NUDT18: variants seen among roughly 807,000 people sequenced by gnomAD.
NUDT18 encodes 8-oxo-dGDP phosphatase NUDT18.
NUDT18 carries 26 observed loss-of-function variants against 27.6 expected under a neutral mutation model. The observed-to-expected ratio is 0.94, with a 90% CI of 0.69 to 1.31. NUDT18 has a LOEUF of 1.31. NUDT18 is among the 50% of genes most tolerant of loss of function. NUDT18 has a pLI of 0.00. For missense variants in NUDT18, 450 were observed against 433.4 expected, an observed-to-expected ratio of 1.04 and a Z score of -0.34; for synonymous variants, 220 against 196.9, an observed-to-expected ratio of 1.12 and a Z score of -0.98.
In NUDT18 at chr8:22,108,351, G is replaced by C. The variant is rs773230673; in HGVS notation, c.163-5C>G. On this transcript the variant is annotated splice_polypyrimidine_tract_variant and splice_region_variant and intron_variant, in intron 1 of 2. Coordinates refer to ENST00000611621, the MANE Select transcript of NUDT18 (RefSeq NM_024815.4). Reference sequence around the variant, plus strand: ...CTGGATCAGTAGCACCTCATCCTGAGAGGAGAGAGGATCCTCACTTCCTGC... The same window carrying C: ...CTGGATCAGTAGCACCTCATCCTGACAGGAGAGAGGATCCTCACTTCCTGC... The C allele has an allele frequency of 7.3e-5, 114 of 1,559,888 alleles. No individual in the cohort carries two copies. The highest frequency in any genetic ancestry group is 9.2e-5 in the Non-Finnish European group (106 of 1,154,142).
Position 22,108,129 on chromosome 8 carries a change from A to G in NUDT18, c.376+4T>C. 6.6e-7 allele frequency: 1 copy of G among 1,507,898 alleles called. No individual in the cohort carries two copies. Among genetic ancestry groups the G allele is most frequent in the Non-Finnish European group, 8.9e-7 (1 of 1,128,636 alleles). The allele number at this position is 1,507,898 out of a possible 1,614,324, so 93.4% of individuals were successfully genotyped here. A position where few individuals can be genotyped will look rare whatever the true frequency, so the allele number is the denominator to read the frequency against. ...TGTTCACACTGCCTCCAGGTGGGCCATACCTGTGGGGCGAGCGAGGAACAC... is the reference window on the plus strand; with the variant it reads ...TGTTCACACTGCCTCCAGGTGGGCCGTACCTGTGGGGCGAGCGAGGAACAC... On this transcript the variant is annotated splice_donor_region_variant and intron_variant, in intron 2 of 2. Coordinates refer to ENST00000611621, the MANE Select transcript of NUDT18 (RefSeq NM_024815.4).
chr8:22,109,401 C>T lies in NUDT18; in HGVS notation c.-101G>A, dbSNP rs1270584096. ...AGCCCGCTCCCAGTCCCTGCGGCAG[C>T]GGGCCGGGAGCTCACGAGAACGCGG... On this transcript the variant is annotated 5_prime_UTR_variant, in exon 1 of 3. Coordinates refer to ENST00000611621, the MANE Select transcript of NUDT18 (RefSeq NM_024815.4). 5 of 1,144,900 alleles carry T rather than the reference C, an allele frequency of 4.4e-6. No individual in the cohort carries two copies. The highest frequency in any genetic ancestry group is 2.2e-5 in the South Asian group (1 of 45,434). 70.9% of individuals were successfully genotyped at this position (1,144,900 alleles called of 1,614,324 possible).
chr8:22,109,083 C>A (rs998230217), intron 1 of NUDT18, 56 bp downstream of exon 1: 20 of 1,320,000 alleles, frequency 1.5e-5, no homozygotes, highest in Non-Finnish European at 1.9e-5. Context: ...CTTCTGTCCC[C>A]ACCTGGGCTG....
At chr8:22,108,028 T>C in intron 2 of NUDT18, 105 bp downstream of exon 2, 1 of 1,365,046 alleles carries the variant, frequency 7.3e-7, no homozygotes, top group South Asian at 1.5e-5. Flanking sequence ...CATGCCAGGC[T>C]GTGCCAGCCA....
chr8:22,109,094 G>T, intron 1 of NUDT18, 45 bp downstream of exon 1: 2 of 1,357,880 alleles, frequency 1.5e-6, no homozygotes, highest in Non-Finnish European at 9.4e-7. Context: ...ACCTGGGCTG[G>T]CTGCGCGCTC....
rs1826401977 is a variant in NUDT18 at position 22,108,235 on chromosome 8, C to T, written c.274G>A (p.Val92Met). 6.3e-7 allele frequency: 1 copy of T among 1,598,532 alleles called. No individual in the cohort carries two copies. Among genetic ancestry groups the T allele is most frequent in the African/African-American group, 1.3e-5 (1 of 74,678 alleles). ...CAGTGCAGCCCCGCCTCCTCCTTCA[C>T]CTCCCGCTGCAGCGCCTCCACGATG... The part of the protein sequence containing the change: ...ETIVEALQRE[V>M]KEEAGLHCEP... Residue 92 changes from valine to methionine, a missense_variant, in exon 2 of 3, where the codon GTG becomes ATG. Val to Met is a conservative substitution (Grantham distance 21, BLOSUM62 1). Transcript: ENST00000611621.
rs565926159 is a variant in NUDT18, at chr8:22,108,258, A to C, written c.251T>G (p.Ile84Ser). The C allele has an allele frequency of 6.3e-7, 1 of 1,597,004 alleles. No individual in the cohort carries two copies. The highest frequency in any genetic ancestry group is 1.3e-5 in the African/African-American group (1 of 74,422). The change falls in exon 2 of 3, where the codon ATC (isoleucine) becomes AGC (serine). Residue 84 changes from isoleucine (I) to serine (S), a missense_variant. Ile to Ser is a moderately radical substitution (Grantham distance 142). Coordinates refer to ENST00000611621, the MANE Select transcript of NUDT18 (RefSeq NM_024815.4). ...PAGRMEPGET[I>S]VEALQREVKE... ...CACCTCCCGCTGCAGCGCCTCCACG[A>C]TGGTCTCCCCTGGCTCCATTCTCCC...
rs368152966 is a variant in NUDT18 at position 22,108,196 on chromosome 8, G to A, written c.313C>T (p.Leu105=). ...EAGLHCEPET[L]LSVEERGPSW... ...GGGCCCCGCTCCTCCACGGACAGCA[G>A]TGTCTCGGGCTCACAGTGCAGCCCC... The change falls in exon 2 of 3, where the codon CTG becomes TTG. Residue 105 remains leucine, a synonymous_variant. Coordinates refer to ENST00000611621, the MANE Select transcript of NUDT18 (RefSeq NM_024815.4). The A allele has an allele frequency of 8.8e-6, 14 of 1,587,722 alleles. No individual in the cohort carries two copies. Among genetic ancestry groups the A allele is most frequent in the African/African-American group, 6.8e-5 (5 of 74,026 alleles).
At chr8:22,109,536 C>A, upstream of NUDT18, 3 of 445,044 alleles carry the variant, frequency 6.7e-6, no homozygotes, top group South Asian at 7.4e-5. Context: ...GGGGGCGGGG[C>A]CGCCCGGGGC....
rs777031708 is a variant in NUDT18 at position 22,107,693 on chromosome 8, C to T, written c.579G>A (p.Val193=). Residue 193 remains valine (V), a synonymous_variant, in exon 3 of 3, where the codon GTG becomes GTA. Coordinates refer to ENST00000611621, the MANE Select transcript of NUDT18 (RefSeq NM_024815.4). Reference sequence around the variant, plus strand: ...CTGTCTGGGCGCTGGTAAAGGTAGCCACGAGCCGCTGGCAGACCAGATCAC... The same window carrying T: ...CTGTCTGGGCGCTGGTAAAGGTAGCTACGAGCCGCTGGCAGACCAGATCAC... The part of the protein sequence containing the change: ...LPCDLVCQRL[V]ATFTSAQTVW... 1 of 1,612,706 alleles carries T rather than the reference C, an allele frequency of 6.2e-7. No homozygotes were observed. The highest frequency in any genetic ancestry group is 8.5e-7 in the Non-Finnish European group (1 of 1,179,404).
Position 22,109,273 on chromosome 8 carries a change from G to A in NUDT18, c.28C>T (p.Leu10=). MASEGLAGA[L]ASVLAGQGSS... ...CCCTGGCCAGCCAGCACGGAAGCCA[G>A]CGCCCCCGCCAGGCCCTCCGAGGCC... is the stretch of plus-strand genomic sequence containing the variant. The change falls in exon 1 of 3, where the codon CTG becomes TTG. Residue 10 remains leucine (L), a synonymous_variant. Coordinates refer to ENST00000611621, the MANE Select transcript of NUDT18 (RefSeq NM_024815.4). 2.9e-6 allele frequency: 4 copies of A among 1,397,062 alleles called. No homozygotes were observed. The highest frequency in any genetic ancestry group is 3.7e-6 in the Non-Finnish European group (4 of 1,081,726). 86.5% of individuals were successfully genotyped at this position (1,397,062 alleles called of 1,614,324 possible).
chr8:22,109,764 G>GACGTC (rs1397106669), upstream of NUDT18: 1 of 456,266 alleles, frequency 2.2e-6, no homozygotes, highest in Admixed American at 2.4e-5. Context: ...ACAATCCGGT[G>GACGTC]ACGTCACGGA....
rs913975386 is a variant in NUDT18 at position 22,109,127 on chromosome 8, G to A, written c.162+12C>T. The A allele has an allele frequency of 7.8e-6, 11 of 1,409,562 alleles. No individual in the cohort carries two copies. The highest frequency in any genetic ancestry group is 3.0e-5 in the South Asian group (2 of 67,568). 87.3% of individuals were successfully genotyped at this position (1,409,562 alleles called of 1,614,324 possible). A position where few individuals can be genotyped will look rare whatever the true frequency, so the allele number is the denominator to read the frequency against. On this transcript the variant is annotated intron_variant, in intron 1 of 2. Coordinates refer to ENST00000611621, the MANE Select transcript of NUDT18 (RefSeq NM_024815.4). ...CTCCCGAGGCCCGGCGGGCCCGGGG[G>A]CGGCCGCTCACCTGCTCGCTGAGGA...
Position 22,107,076 on chromosome 8 carries a change from A to C in NUDT18, c.*224T>G. 1 of 514,478 alleles carries C rather than the reference A, an allele frequency of 1.9e-6. No individual in the cohort carries two copies. Among genetic ancestry groups the C allele is most frequent in the East Asian group, 3.3e-5 (1 of 30,356 alleles). The allele number at this position is 514,478 out of a possible 1,614,324, so 31.9% of individuals were successfully genotyped here. A position where few individuals can be genotyped will look rare whatever the true frequency, so the allele number is the denominator to read the frequency against. On this transcript the variant is annotated 3_prime_UTR_variant, in exon 3 of 3. Transcript: ENST00000611621. ...AGAGGCGTCAGCGTGCCCTCAGGGTAGTCAGGTCCTGAGCTTTGGACTCCT... is the reference window on the plus strand; with the variant it reads ...AGAGGCGTCAGCGTGCCCTCAGGGTCGTCAGGTCCTGAGCTTTGGACTCCT...
chr8:22,109,590 C>T (rs555191544), upstream of NUDT18: 9 of 518,518 alleles, frequency 1.7e-5, no homozygotes, highest in East Asian at 5.0e-5. Context: ...CCAGCGGACC[C>T]CGCCCGGCTT....
rs1554579081 is a variant in NUDT18, at chr8:22,109,369, G to GCTGCGAAGCCCGCTCCCAGTCC, written c.-70_-69insGGACTGGGAGCGGGCTTCGCAG. On this transcript the variant is annotated 5_prime_UTR_variant, in exon 1 of 3. Coordinates refer to ENST00000611621, the MANE Select transcript of NUDT18 (RefSeq NM_024815.4). ...TGAGCCGAGCCGCGGGCTAGAGTGC[G>GCTGCGAAGCCCGCTCCCAGTCC]CTGCGGAGCCCGCTCCCAGTCCCTG... The GCTGCGAAGCCCGCTCCCAGTCC allele has an allele frequency of 2.8e-6, 2 of 712,816 alleles. No homozygotes were observed. The highest frequency in any genetic ancestry group is 3.6e-6 in the Non-Finnish European group (2 of 557,216). 44.2% of individuals were successfully genotyped at this position (712,816 alleles called of 1,614,324 possible).
upstream of NUDT18, among the ~76,000 whole-genome samples, chr8:22,110,188 T>A (rs978210922): frequency 2.0e-5 from 3 of 152,052 alleles, no homozygotes; most frequent in African/African-American, 7.2e-5. Context: ...CTGCTGCAGA[T>A]GGTGCGCCCT....
chr8:22,109,569 G>A (rs562642933), upstream of NUDT18: 3 of 506,090 alleles, frequency 5.9e-6, no homozygotes, highest in South Asian at 1.7e-5. Flanking sequence ...GGGGGGGCAC[G>A]GGTCCGGAGC....
intron 1 of NUDT18, among the ~76,000 whole-genome samples, chr8:22,108,813 C>T (rs1826412951): frequency 6.6e-6 from 1 of 152,238 alleles, no homozygotes; most frequent in Admixed American, 6.5e-5. Flanking sequence ...ATTACATCGC[C>T]CACTACAGGC....
Sources: gnomAD v4.1 joint callset for allele counts (sites outside exome capture counted in the v4.1 genomes callset) on GRCh38, gnomAD v4.1.1 for gene constraint, MANE v1.5 for transcripts, NCBI Gene and HGNC (gene_info 2026-07-23, HGNC 2026-07-21) for gene names.